MFGE8: variants seen among roughly 807,000 people sequenced by gnomAD.
MFGE8 encodes the protein lactadherin.
A neutral mutation model predicts 42.6 loss-of-function variants in MFGE8; 34 were observed. The ratio of observed to expected loss-of-function variants is 0.80; its 90% CI spans 0.61 to 1.06. The LOEUF (loss-of-function observed/expected upper bound fraction) is 1.06, where lower values mean the gene tolerates loss of function less well. Ranked by LOEUF, MFGE8 falls within the 50% of genes least tolerant of loss-of-function variation. The pLI, the probability that MFGE8 is intolerant of heterozygous loss-of-function variation, is 0.00. For synonymous variants in MFGE8, 230 were observed against 214.8 expected (o/e 1.07, Z -0.62); for missense variants, 510 against 516.9 (o/e 0.99, Z 0.13).
chr15:88,909,027 C>G (rs78990864), intron 2 of MFGE8, among the ~76,000 whole-genome samples: 1,699 of 152,310 alleles, frequency 0.011, 37 homozygotes, highest in Admixed American at 0.045. Flanking sequence ...AACCTAGGAC[C>G]CCCCGCTCCA....
rs1160520167 is a variant in MFGE8 at position 88,905,448 on chromosome 15, A to C, written c.685+309T>G. 1 of 559,772 alleles carries C rather than the reference A, an allele frequency of 1.8e-6. No homozygotes were observed. Among genetic ancestry groups the C allele is most frequent in the South Asian group, 1.5e-5 (1 of 65,284 alleles). The allele number at this position is 559,772 out of a possible 1,614,324, so 34.7% of individuals were successfully genotyped here. A position where few individuals can be genotyped will look rare whatever the true frequency, so the allele number is the denominator to read the frequency against. ...CGTAAAGCTGACATCTGCCAAACAC[A>C]CCTAACGCTACATGTTCTAGAAGCT... On this transcript the variant is annotated intron_variant, in intron 5 of 7. Transcript: ENST00000268150. This position sits in a 1 kb window ranked among gnomAD's most constrained non-coding sequence, Gnocchi z 6.6.
Position 88,899,527 on chromosome 15 carries a change from G to A in MFGE8, c.1032C>T (p.Phe344=). 1 of 1,614,208 alleles carries A rather than the reference G, an allele frequency of 6.2e-7. No homozygotes were observed. The highest frequency in any genetic ancestry group is 1.3e-5 in the African/African-American group (1 of 75,056). ...QDPRTGSSKI[F]PGNWDNHSHK... Reference sequence around the variant, plus strand: ...GGGAGTGGTTGTCCCAGTTGCCAGGGAAGATCTAGAGGCAGAGCGGGTGTC... The same window carrying A: ...GGGAGTGGTTGTCCCAGTTGCCAGGAAAGATCTAGAGGCAGAGCGGGTGTC... The change falls in exon 8 of 8, where the codon TTC becomes TTT. Residue 344 remains phenylalanine, a synonymous_variant. Transcript: ENST00000268150. The surrounding 1 kb of genome is among the most constrained non-coding windows in gnomAD (Gnocchi z 6.8).
chr15:88,912,576 C>A, intron 1 of MFGE8: 2 of 985,378 alleles, frequency 2.0e-6, no homozygotes. Flanking sequence ...CCTCCGGAGG[C>A]CTCCTGGGAG....
At chr15:88,912,253 G>T in intron 1 of MFGE8, 1 of 1,289,766 alleles carries the variant, frequency 7.8e-7, no homozygotes, top group South Asian at 1.2e-5. Flanking sequence ...CAGAGTTCAG[G>T]TTGGGGGGTA....
Position 88,901,277 on chromosome 15 carries a change from ACACT to A in MFGE8, c.870+270_870+273del, listed in dbSNP as rs962240783. Among the ~76,000 whole-genome samples the A allele has an allele frequency of 7.0e-5, 10 of 141,972 alleles. 2 individuals carry two copies. The highest frequency in any genetic ancestry group is 2.1e-4 in the East Asian group (1 of 4,836). 93.1% of individuals were successfully genotyped at this position (141,972 alleles called of 152,430 possible). On this transcript the variant is annotated intron_variant, in intron 6 of 7. Coordinates refer to ENST00000268150, the MANE Select transcript of MFGE8 (RefSeq NM_005928.4). ...CGCATTCACACGCACGCATTCACAC[ACACT>A]CACATTCACACACATTCACACACTC...
Position 88,907,354 on chromosome 15 carries a change from C to T in MFGE8, c.228G>A (p.Leu76=), listed in dbSNP as rs1328128088. 1.2e-5 allele frequency: 20 copies of T among 1,614,216 alleles called. No individual in the cohort carries two copies. Among genetic ancestry groups the T allele is most frequent in the Non-Finnish European group, 1.7e-5 (20 of 1,180,034 alleles). Residue 76 remains leucine, a synonymous_variant, in exon 3 of 8, where the codon CTG becomes CTA. Transcript: ENST00000268150. The part of the protein sequence containing the change: ...CETKCVEPLG[L]ENGNIANSQI... ...GTGAGTTGGCAATGTTCCCATTCTC[C>T]AGGCCCAGTGGCTCGACACATTCTG...
At position 88,913,257 on chromosome 15, in the gene MFGE8, G is replaced by A. The variant is rs186930899; in HGVS notation, c.63C>T (p.Leu21=). 22 of 1,505,910 alleles carry A rather than the reference G, an allele frequency of 1.5e-5. No homozygotes were observed. The Admixed American group carries it at 3.4e-4, about 23-fold the overall frequency. 93.3% of individuals were successfully genotyped at this position (1,505,910 alleles called of 1,614,324 possible). Residue 21 remains leucine (L), a synonymous_variant, in exon 1 of 8, where the codon CTC becomes CTT. Transcript: ENST00000268150. Reference sequence around the variant, plus strand: ...GCGCGATCCACTCACCCAGGGCGACGAGGAGGCTGGGGGCGCAGAGCAGCG... The same window carrying A: ...GCGCGATCCACTCACCCAGGGCGACAAGGAGGCTGGGGGCGCAGAGCAGCG... ...CGALLCAPSL[L]VALDICSKNP... is the part of the protein sequence containing the mutation.
intron 1 of MFGE8, chr15:88,912,147 T>C (rs1289275978): frequency 7.8e-7 from 1 of 1,289,830 alleles, no homozygotes; most frequent in South Asian, 1.2e-5. Context: ...AGGTATGGTG[T>C]TTCCTCCTTC....
In MFGE8 at chr15:88,905,870, A is replaced by G; in HGVS notation, c.572T>C (p.Val191Ala). The part of the protein sequence containing the change: ...EFVGNWNKNA[V>A]HVNLFETPVE... ...AGGGGTCTCAAACAGGTTGACATGC[A>G]CCGCGTTTTTGTTCCAGTTACCCAC... The change falls in exon 5 of 8, where the codon GTG becomes GCG. Residue 191 changes from valine (V) to alanine (A), a missense_variant. By Grantham distance (64) the Val-to-Ala change is moderately conservative (BLOSUM62 0). Transcript: ENST00000268150. This position sits in a 1 kb window ranked among gnomAD's most constrained non-coding sequence, Gnocchi z 6.6. The G allele has an allele frequency of 1.2e-6, 2 of 1,614,168 alleles. No individual in the cohort carries two copies. Among genetic ancestry groups the G allele is most frequent in the Non-Finnish European group, 1.7e-6 (2 of 1,180,032 alleles).
At chr15:88,901,517 A>AACCCCCCC in intron 6 of MFGE8, 34 bp downstream of exon 6, 1 of 1,072,616 alleles carries the variant, frequency 9.3e-7, no homozygotes, top group Non-Finnish European at 1.4e-6. Flanking sequence ...ATCCCACCCA[A>AACCCCCCC]CCCCAGCCCC....
In MFGE8 at chr15:88,913,327, G is replaced by A. The variant is rs1310336097; in HGVS notation, c.-8C>T. The A allele has an allele frequency of 2.8e-6, 4 of 1,433,658 alleles. No homozygotes were observed. The highest frequency in any genetic ancestry group is 1.5e-5 in the African/African-American group (1 of 66,824). The allele number at this position is 1,433,658 out of a possible 1,614,324, so 88.8% of individuals were successfully genotyped here. On this transcript the variant is annotated 5_prime_UTR_variant, in exon 1 of 8. Transcript: ENST00000268150. ...CAGGCGGGGGCGCGGCATGCTGCGG[G>A]GACGCGGGCGCTGGAATGGGCACGC...
intron 6 of MFGE8, 39 bp downstream of exon 6, chr15:88,901,511 CA>C: frequency 1.1e-6 from 1 of 908,660 alleles, no homozygotes. Flanking sequence ...CACCTCATCC[CA>C]CCCAACCCCA....
chr15:88,899,409 G>A lies in MFGE8; in HGVS notation c.1150C>T (p.Leu384=), dbSNP rs1416467613. The A allele has an allele frequency of 6.2e-7, 1 of 1,614,164 alleles. No individual in the cohort carries two copies. Among genetic ancestry groups the A allele is most frequent in the Admixed American group, 1.7e-5 (1 of 60,038 alleles). ...GCAGGTGGCCACTAACAGCCCAGCA[G>A]CTCCAGGCGCAGGGCGATGCGGTTG... is the stretch of plus-strand genomic sequence containing the variant. ...WHNRIALRLE[L]LGC The change falls in exon 8 of 8, where the codon CTG becomes TTG. Residue 384 remains leucine (L), a synonymous_variant. Coordinates refer to ENST00000268150, the MANE Select transcript of MFGE8 (RefSeq NM_005928.4). This position sits in a 1 kb window ranked among gnomAD's most constrained non-coding sequence, Gnocchi z 6.8.
rs1898346247 is a variant in MFGE8 at position 88,901,034 on chromosome 15, TATTCACACAC to T, written c.870+507_870+516del. ...ACACACACACATTCTCACACACACA[TATTCACACAC>T]ATTCACACATACACATTCACATACA... On this transcript the variant is annotated intron_variant, in intron 6 of 7. Transcript: ENST00000268150. Among the ~76,000 whole-genome samples the T allele has an allele frequency of 3.1e-5, 3 of 95,702 alleles. No individual in the cohort carries two copies. The South Asian group carries it at 1.0e-3, about 33-fold the overall frequency. 62.8% of individuals were successfully genotyped at this position (95,702 alleles called of 152,430 possible).
intron 2 of MFGE8, 152 bp downstream of exon 2, chr15:88,909,640 C>CT (rs1287753121): frequency 9.0e-7 from 1 of 1,116,332 alleles, no homozygotes; most frequent in Non-Finnish European, 1.3e-6. Flanking sequence ...GGCTCTGTCT[C>CT]TCTCTCTGAG....
Position 88,907,359 on chromosome 15 carries a change from C to G in MFGE8, c.223G>C (p.Gly75Arg). 6.2e-7 allele frequency: 1 copy of G among 1,614,160 alleles called. No individual in the cohort carries two copies. ...HCETKCVEPL[G>R]LENGNIANSQ... ...TTGGCAATGTTCCCATTCTCCAGGC[C>G]CAGTGGCTCGACACATTCTGAGGGA... The change falls in exon 3 of 8, where the codon GGC (glycine) becomes CGC (arginine). Residue 75 changes from glycine (G) to arginine (R), a missense_variant. Coordinates refer to ENST00000268150, the MANE Select transcript of MFGE8 (RefSeq NM_005928.4).
rs139526153 is a variant in MFGE8, at chr15:88,899,466, G to A, written c.1093C>T (p.Arg365Cys). 6.8e-6 allele frequency: 11 copies of A among 1,614,074 alleles called. No individual in the cohort carries two copies. Among genetic ancestry groups the A allele is most frequent in the South Asian group, 1.1e-5 (1 of 91,094 alleles). Residue 365 changes from arginine (R) to cysteine (C), a missense_variant, in exon 8 of 8, where the codon CGC (arginine) becomes TGC (cysteine). Coordinates refer to ENST00000268150, the MANE Select transcript of MFGE8 (RefSeq NM_005928.4). The surrounding 1 kb of genome is among the most constrained non-coding windows in gnomAD (Gnocchi z 6.8). Reference sequence around the variant, plus strand: ...GCTACAGGCAGGATGCGCACATAGCGAGCCAGGATGGGCGTCTCAAACAAG... The same window carrying A: ...GCTACAGGCAGGATGCGCACATAGCAAGCCAGGATGGGCGTCTCAAACAAG... ...KNLFETPILA[R>C]YVRILPVAWH...
intron 2 of MFGE8, among the ~76,000 whole-genome samples, chr15:88,908,075 A>C (rs570925770): frequency 2.0e-5 from 3 of 152,260 alleles, no homozygotes; most frequent in African/African-American, 4.8e-5. Flanking sequence ...GCCATCTGTG[A>C]ACATGCCCGT....
rs1898616886 is a variant in MFGE8, at chr15:88,905,311, C to T, written c.685+446G>A. 2.7e-6 allele frequency: 1 copy of T among 367,656 alleles called. No individual in the cohort carries two copies. Among genetic ancestry groups the T allele is most frequent in the Non-Finnish European group, 5.3e-6 (1 of 187,384 alleles). The allele number at this position is 367,656 out of a possible 1,614,324, so 22.8% of individuals were successfully genotyped here. ...AATCATTCATCGGGGCCCCACGCCC[C>T]TCATTCATTCATTCGCTCATTCATC... On this transcript the variant is annotated intron_variant, in intron 5 of 7. Coordinates refer to ENST00000268150, the MANE Select transcript of MFGE8 (RefSeq NM_005928.4). This position sits in a 1 kb window ranked among gnomAD's most constrained non-coding sequence, Gnocchi z 6.6.
Sources: allele counts gnomAD v4.1 joint callset (sites outside exome capture counted in the v4.1 genomes callset), GRCh38; gene constraint gnomAD v4.1.1; non-coding constraint Gnocchi (gnomAD v3.1); transcripts MANE v1.5; gene names NCBI Gene and HGNC (gene_info 2026-07-23, HGNC 2026-07-21).